AGO1: variants seen among roughly 807,000 people sequenced by gnomAD.
The protein encoded by AGO1 is argonaute RISC component 1, also known as protein argonaute-1.
In AGO1, 11 loss-of-function variants were observed where a neutral mutation model predicts 109.2. The observed-to-expected ratio is 0.10, with a 90% confidence interval of 0.06 to 0.17. AGO1 has a LOEUF of 0.17. AGO1 is among the 10% of genes least tolerant of loss of function. The pLI is 1.00. For synonymous variants in AGO1, 422 were observed against 418.6 expected (o/e 1.01, Z -0.10); for missense variants, 574 against 1,140.3 (o/e 0.50, Z 7.15).
chr1:35,887,636 C>A (rs982218765), intron 1 of AGO1, among the ~76,000 whole-genome samples: 3 of 152,086 alleles, frequency 2.0e-5, no homozygotes, highest in Admixed American at 6.6e-5. Flanking sequence ...CTTCCCAAAC[C>A]CGTTAGTTCT....
intron 1 of AGO1, among the ~76,000 whole-genome samples, chr1:35,878,074 T>G (rs1021526735): frequency 2.7e-5 from 4 of 150,718 alleles, no homozygotes; most frequent in South Asian, 4.2e-4. Context: ...TTCCTTTTTA[T>G]TTTTATTTAT....
At chr1:35,911,784 T>A (rs1450199403) in intron 12 of AGO1, among the ~76,000 whole-genome samples, 2 of 152,164 alleles carry the variant, frequency 1.3e-5, no homozygotes, top group African/African-American at 2.4e-5. Flanking sequence ...AATTTTTTTT[T>A]AATCTTAATA....
Position 35,893,645 on chromosome 1 carries a change from G to T in AGO1, c.513-29G>T. ...TCACAGGGTGGGGGCCTGTGCCCGA[G>T]GGACCAGTTCTCTGCCTGTCCCTGC... On this transcript the variant is annotated intron_variant, in intron 4 of 18. Transcript: ENST00000373204. The surrounding 1 kb of genome is among the most constrained non-coding windows in gnomAD (Gnocchi z 5.6). 2 of 1,589,090 alleles carry T rather than the reference G, an allele frequency of 1.3e-6. No individual in the cohort carries two copies. The highest frequency in any genetic ancestry group is 1.7e-6 in the Non-Finnish European group (2 of 1,164,112).
intron 12 of AGO1, among the ~76,000 whole-genome samples, chr1:35,909,932 G>A (rs181414860): frequency 2.0e-5 from 3 of 151,978 alleles, no homozygotes; most frequent in African/African-American, 7.2e-5. Context: ...CCAATGTTTT[G>A]GCTTGGGAAT....
At chr1:35,892,721 T>C in intron 3 of AGO1, 44 bp downstream of exon 3, 1 of 1,613,390 alleles carries the variant, frequency 6.2e-7, no homozygotes, top group Non-Finnish European at 8.5e-7. Flanking sequence ...GGGTCTGGGG[T>C]AGAACCAAGC....
At chr1:35,907,638 C>T (rs1208738721) in intron 12 of AGO1, among the ~76,000 whole-genome samples, 1 of 152,130 alleles carries the variant, frequency 6.6e-6, no homozygotes, top group Non-Finnish European at 1.5e-5. Context: ...GTCTCCATCT[C>T]TCCTGCTTCA....
intron 1 of AGO1, among the ~76,000 whole-genome samples, chr1:35,884,632 A>G (rs535410374): frequency 9.6e-4 from 146 of 152,286 alleles, no homozygotes; most frequent in Non-Finnish European, 1.7e-3. Flanking sequence ...TCTAAACCCT[A>G]CAAACACGTT....
intron 15 of AGO1, among the ~76,000 whole-genome samples, chr1:35,916,537 T>A (rs1645739203): frequency 6.6e-6 from 1 of 152,128 alleles, no homozygotes; most frequent in African/African-American, 2.4e-5. Flanking sequence ...CCAGCTTATT[T>A]TTGTATTTTT....
chr1:35,895,329 C>T, intron 8 of AGO1, 60 bp downstream of exon 8: 1 of 1,508,628 alleles, frequency 6.6e-7, no homozygotes, highest in Non-Finnish European at 8.9e-7. Flanking sequence ...TGCTGATCAT[C>T]AGATGTCTGT....
chr1:35,882,862 A>G (rs996071754), upstream of AGO1: 1 of 985,212 alleles, frequency 1.0e-6, no homozygotes, highest in African/African-American at 1.7e-5. The surrounding 1 kb of genome is among the most constrained non-coding windows in gnomAD (Gnocchi z 5.1). Context: ...CTGGAGTGCC[A>G]GGGGGTCTGG....
chr1:35,892,498 C>T, intron 2 of AGO1, 59 bp from the exon 3 acceptor site: 1 of 1,612,798 alleles, frequency 6.2e-7, no homozygotes. Context: ...TGAATTACTT[C>T]CAAAACTTGA....
chr1:35,905,172 T>C (rs889897099), intron 11 of AGO1, among the ~76,000 whole-genome samples: 2 of 152,164 alleles, frequency 1.3e-5, no homozygotes, highest in African/African-American at 4.8e-5. Context: ...TTCCTTGAAG[T>C]TGAGACCCAC....
chr1:35,908,816 C>CTTTT (rs397861392), intron 12 of AGO1, among the ~76,000 whole-genome samples: 8 of 131,354 alleles, frequency 6.1e-5, no homozygotes, highest in South Asian at 5.0e-4. Context: ...TCTAACCTTC[C>CTTTT]TTTTTTTTTT....
intron 1 of AGO1, among the ~76,000 whole-genome samples, chr1:35,873,115 A>T (rs147042626): frequency 2.6e-5 from 4 of 151,814 alleles, no homozygotes; most frequent in Admixed American, 6.6e-5. Context: ...AAGTTAATCA[A>T]TACCTTTATC....
Position 35,925,185 on chromosome 1 carries a change from A to G in AGO1, c.*5578A>G, listed in dbSNP as rs556310027. The G allele has an allele frequency of 2.0e-5, 3 of 151,922 alleles. No homozygotes were observed. The highest frequency in any genetic ancestry group is 2.0e-4 in the Admixed American group (3 of 15,246). 9.4% of individuals were successfully genotyped at this position (151,922 alleles called of 1,614,324 possible). ...TGATTAACAACATGAACTGCTGCAGAGAGGGAGTTCTTTTTTTTTCTGTGT... is the reference window on the plus strand; with the variant it reads ...TGATTAACAACATGAACTGCTGCAGGGAGGGAGTTCTTTTTTTTTCTGTGT... On this transcript the variant is annotated 3_prime_UTR_variant, in exon 19 of 19. Transcript: ENST00000373204.
intron 11 of AGO1, among the ~76,000 whole-genome samples, 187 bp downstream of exon 11, chr1:35,902,524 A>G (rs1645436635): frequency 6.6e-6 from 1 of 152,216 alleles, no homozygotes; most frequent in Admixed American, 6.5e-5. Flanking sequence ...GAAGTTAATA[A>G]GGAGCCATAT....
At position 35,917,670 on chromosome 1, in the gene AGO1, T is replaced by C. The variant is rs768936737; in HGVS notation, c.2106T>C (p.Tyr702=). The C allele has an allele frequency of 2.3e-5, 37 of 1,613,746 alleles. No homozygotes were observed. Among genetic ancestry groups the C allele is most frequent in the Middle Eastern group, 1.6e-4 (1 of 6,078 alleles). Residue 702 remains tyrosine, a synonymous_variant, in exon 16 of 19, where the codon TAT becomes TAC. Coordinates refer to ENST00000373204, the MANE Select transcript of AGO1 (RefSeq NM_012199.5). ...AGGACTACCAGCCTGGGATCACTTA[T>C]ATTGTGGTGCAGAAACGCCATCACA... The part of the protein sequence containing the change: ...LEKDYQPGIT[Y]IVVQKRHHTR...
intron 1 of AGO1, among the ~76,000 whole-genome samples, chr1:35,884,584 C>T (rs894410703): frequency 6.6e-6 from 1 of 152,178 alleles, no homozygotes; most frequent in Admixed American, 6.5e-5. Flanking sequence ...CCTCTCCCCA[C>T]TCCCCAGAAA....
At chr1:35,912,352 C>CT (rs1282677338) in intron 12 of AGO1, among the ~76,000 whole-genome samples, 6 of 111,252 alleles carry the variant, frequency 5.4e-5, no homozygotes, top group Non-Finnish European at 1.0e-4. Flanking sequence ...GAGCGAGACT[C>CT]TGTCTCAGAA....
Sources: gnomAD v4.1 joint callset for allele counts (sites outside exome capture counted in the v4.1 genomes callset) on GRCh38, gnomAD v4.1.1 for gene constraint, Gnocchi (gnomAD v3.1) non-coding constraint, MANE v1.5 for transcripts, NCBI Gene and HGNC (gene_info 2026-07-23, HGNC 2026-07-21) for gene names.